The following MTRF1 variants were observed in gnomAD, a reference collection of about 807,000 sequenced individuals.
The protein encoded by MTRF1 is mitochondrial translation release factor 1.
Under a neutral mutation model 62.9 loss-of-function variants are expected in MTRF1, and 51 were observed. The observed-to-expected ratio is 0.81, with a 90% CI of 0.65 to 1.02. MTRF1 has a LOEUF of 1.02. Among genes scored for constraint, MTRF1 ranks in the 50% least tolerant of loss-of-function variants. The probability of loss-of-function intolerance (pLI) is 0.00; values close to 1 mark genes in which losing one functional copy is unlikely to be tolerated. For missense variants in MTRF1, 446 were observed against 530.0 expected (o/e 0.84, Z 1.56); for synonymous variants, 158 against 181.9 (o/e 0.87, Z 1.06).
At chr13:41,253,889 G>A (rs1487860134) in intron 3 of MTRF1, among the ~76,000 whole-genome samples, 5 of 152,172 alleles carry the variant, frequency 3.3e-5, no homozygotes, top group Non-Finnish European at 7.3e-5. Context: ...AACACTGAAG[G>A]TAGGAGGACG....
At chr13:41,221,078 C>T (rs1843652129) in intron 9 of MTRF1, among the ~76,000 whole-genome samples, 1 of 152,032 alleles carries the variant, frequency 6.6e-6, no homozygotes, top group Non-Finnish European at 1.5e-5. Context: ...TCCATTTGTC[C>T]AACAGCTGTT....
chr13:41,246,939 C>T (rs73179134), intron 5 of MTRF1, among the ~76,000 whole-genome samples: 7,789 of 152,278 alleles, frequency 0.051, 263 homozygotes, highest in Non-Finnish European at 0.079. Context: ...GTTAGTTCCA[C>T]GCTTTGGTTT....
intron 9 of MTRF1, among the ~76,000 whole-genome samples, chr13:41,219,059 C>CGCG (rs1228506018): frequency 6.8e-6 from 1 of 147,704 alleles, no homozygotes; most frequent in African/African-American, 2.5e-5. Flanking sequence ...GCAAGGCTGA[C>CGCG]GCGGGCAGAT....
the MTRF1 span, among the ~76,000 whole-genome samples, chr13:41,291,595 C>G: frequency 6.6e-6 from 1 of 152,002 alleles, no homozygotes; most frequent in African/African-American, 2.4e-5. Context: ...GAACTCATTC[C>G]TTTCTGCTTG....
At position 41,260,480 on chromosome 13, in the gene MTRF1, A is replaced by G. The variant is rs201160918; in HGVS notation, c.415+13T>C. The G allele has an allele frequency of 3.2e-5, 51 of 1,604,212 alleles. No individual in the cohort carries two copies. The African/African-American group carries it at 6.4e-4, about 20-fold the overall frequency. On this transcript the variant is annotated intron_variant, in intron 2 of 9. Coordinates refer to ENST00000379480, the MANE Select transcript of MTRF1 (RefSeq NM_004294.4). ...TAGCCCTTATGCAGGACACATAAGT[A>G]TCTTTTACCTACTTTTACACATTGA...
chr13:41,273,257 C>T, the MTRF1 span, among the ~76,000 whole-genome samples: 38 of 150,266 alleles, frequency 2.5e-4, no homozygotes, highest in South Asian at 4.2e-3. Flanking sequence ...ACCCGGGTGG[C>T]GGAGGTTGCA....
chr13:41,276,424 G>A, the MTRF1 span, among the ~76,000 whole-genome samples: 4 of 151,896 alleles, frequency 2.6e-5, no homozygotes, highest in African/African-American at 7.3e-5. Context: ...CGCCTGCCTT[G>A]GCCTCCTAAA....
chr13:41,224,314 CT>C (rs1341753851), intron 8 of MTRF1, among the ~76,000 whole-genome samples: 3 of 152,266 alleles, frequency 2.0e-5, no homozygotes, highest in Admixed American at 6.5e-5. Context: ...TATTTGCATT[CT>C]TCTTAGTCTG....
upstream of MTRF1, among the ~76,000 whole-genome samples, chr13:41,267,739 G>T (rs969090628): frequency 6.6e-6 from 1 of 151,930 alleles, no homozygotes; most frequent in Non-Finnish European, 1.5e-5. Context: ...GGTTCTGTGT[G>T]CCTCTGGTCC....
At chr13:41,273,695 A>G in the MTRF1 span, among the ~76,000 whole-genome samples, 10 of 151,666 alleles carry the variant, frequency 6.6e-5, no homozygotes, top group Admixed American at 1.3e-4. Flanking sequence ...AAATTAGCTG[A>G]GCGTGGTGGT....
intron 6 of MTRF1, among the ~76,000 whole-genome samples, chr13:41,239,452 G>A (rs1257607575): frequency 2.0e-5 from 3 of 151,912 alleles, no homozygotes; most frequent in African/African-American, 7.3e-5. Flanking sequence ...TTAAATAAAT[G>A]TATACACATA....
At chr13:41,307,713 T>C in the MTRF1 span, among the ~76,000 whole-genome samples, 1 of 152,178 alleles carries the variant, frequency 6.6e-6, no homozygotes, top group Admixed American at 6.5e-5. Context: ...TCCACCATGA[T>C]TGTAAGTTTC....
At chr13:41,223,067 G>C (rs968614807) in intron 9 of MTRF1, among the ~76,000 whole-genome samples, 189 bp downstream of exon 9, 9 of 152,078 alleles carry the variant, frequency 5.9e-5, no homozygotes, top group Admixed American at 1.3e-4. Flanking sequence ...GTTTCAAAAT[G>C]GCATAAAGAT....
chr13:41,243,065 A>G (rs1308275010), intron 5 of MTRF1, among the ~76,000 whole-genome samples: 1 of 151,998 alleles, frequency 6.6e-6, no homozygotes, highest in East Asian at 1.9e-4. Context: ...CTAAAAATAC[A>G]ATAATTAGCT....
intron 8 of MTRF1, among the ~76,000 whole-genome samples, chr13:41,223,807 C>T (rs1158844178): frequency 6.6e-6 from 1 of 152,148 alleles, no homozygotes; most frequent in African/African-American, 2.4e-5. Flanking sequence ...CTGCCCATTT[C>T]CAATTGGTTT....
chr13:41,302,752 C>T, the MTRF1 span, among the ~76,000 whole-genome samples: 1 of 152,220 alleles, frequency 6.6e-6, no homozygotes, highest in Admixed American at 6.5e-5. Context: ...TCTCAAACTC[C>T]TGGGCTCAAG....
At chr13:41,257,575 T>C (rs1280715378) in intron 2 of MTRF1, 1 of 179,468 alleles carries the variant, frequency 5.6e-6, no homozygotes, top group East Asian at 1.3e-4. Flanking sequence ...TCCTCATCTA[T>C]AAAATGTATA....
At chr13:41,239,495 A>G (rs1486406035) in intron 6 of MTRF1, among the ~76,000 whole-genome samples, 3 of 152,118 alleles carry the variant, frequency 2.0e-5, no homozygotes, top group Non-Finnish European at 4.4e-5. Flanking sequence ...GAGAAAATGT[A>G]AACAACTGAC....
At chr13:41,240,213 A>C in intron 6 of MTRF1, 48 bp downstream of exon 6, 122 of 1,531,006 alleles carry the variant, frequency 8.0e-5, no homozygotes, top group Non-Finnish European at 1.0e-4. Context: ...TTCCAGCACA[A>C]TACCCGTTGA....
Sources: allele counts gnomAD v4.1 joint callset (sites outside exome capture counted in the v4.1 genomes callset), GRCh38; gene constraint gnomAD v4.1.1; transcripts MANE v1.5; gene names NCBI Gene and HGNC (gene_info 2026-07-23, HGNC 2026-07-21).